The following THTPA variants were observed in gnomAD, a reference collection of about 807,000 sequenced individuals.
THTPA encodes the protein thiamine-triphosphatase.
In THTPA, 16 loss-of-function variants were observed where a neutral mutation model predicts 16.5. The observed-to-expected ratio is 0.97, with a 90% CI of 0.66 to 1.47. THTPA has a LOEUF of 1.47. Ranked by LOEUF, THTPA falls within the 40% of genes most tolerant of loss-of-function variation. The pLI is 0.00. For missense variants in THTPA, 281 were observed against 280.9 expected, an observed-to-expected ratio of 1.00 and a Z score of 0.00; for synonymous variants, 110 against 115.5, an observed-to-expected ratio of 0.95 and a Z score of 0.30.
At chr14:23,554,538 G>C (rs867010605), upstream of THTPA, among the ~76,000 whole-genome samples, 1 of 148,488 alleles carries the variant, frequency 6.7e-6, no homozygotes, top group Admixed American at 6.8e-5. Context: ...TACCACACCC[G>C]GCTAATTAAA....
chr14:23,526,357 C>T, the THTPA span: 3 of 1,536,358 alleles, frequency 2.0e-6, no homozygotes, highest in Non-Finnish European at 1.7e-6. Flanking sequence ...ACTCCTTACA[C>T]ACAGTGCACT....
chr14:23,539,125 C>G, the THTPA span, among the ~76,000 whole-genome samples: 1 of 152,104 alleles, frequency 6.6e-6, no homozygotes, highest in Non-Finnish European at 1.5e-5. Flanking sequence ...ATCCTCCTCC[C>G]CTAATGCACT....
the THTPA span, chr14:23,528,627 A>G: frequency 1.0e-6 from 1 of 985,176 alleles, no homozygotes; most frequent in Non-Finnish European, 1.2e-6. Context: ...AAGGGGCCCT[A>G]CCTGTCTGCT....
rs149243548 is a variant in THTPA, at chr14:23,557,213, C to G, written c.456C>G (p.Gly152=). ...LRVDLDTADF[G]YAVGEVEALV... ...TGGACTTGGATACAGCCGACTTTGG[C>G]TACGCTGTGGGTGAGGTAGAGGCCC... Residue 152 remains glycine (G), a synonymous_variant, in exon 1 of 2, where the codon GGC becomes GGG. Coordinates refer to ENST00000288014, the MANE Select transcript of THTPA (RefSeq NM_024328.6). 7.4e-6 allele frequency: 12 copies of G among 1,613,720 alleles called. No individual in the cohort carries two copies. The African/African-American group carries it at 1.5e-4, about 20-fold the overall frequency.
the THTPA span, chr14:23,527,797 C>T: frequency 2.0e-6 from 3 of 1,535,186 alleles, no homozygotes. Context: ...GTATGGACAG[C>T]AGTATACCTG....
the THTPA span, chr14:23,524,402 C>G: frequency 6.5e-7 from 1 of 1,536,260 alleles, no homozygotes. The surrounding 1 kb of genome is among the most constrained non-coding windows in gnomAD (Gnocchi z 5.6). Context: ...CCCTCCTCCC[C>G]CTGCTTCACT....
In THTPA at chr14:23,557,239, T is replaced by C. The variant is rs767091933; in HGVS notation, c.482T>C (p.Leu161Pro). 10 of 1,612,832 alleles carry C rather than the reference T, an allele frequency of 6.2e-6. No homozygotes were observed. The South Asian group carries it at 1.1e-4, about 18-fold the overall frequency. Residue 161 changes from leucine (L) to proline (P), a missense_variant, in exon 1 of 2, where the codon CTG becomes CCG. Physicochemically the swap from Leu to Pro is moderately conservative, Grantham distance 98 (BLOSUM62 -3). Transcript: ENST00000288014. ...FGYAVGEVEA[L>P]VHEEAEVPTA... ...TACGCTGTGGGTGAGGTAGAGGCCC[T>C]GGTGCATGAGGAGGCTGAAGTACCA...
At chr14:23,524,665 C>A in the THTPA span, 4 of 1,536,318 alleles carry the variant, frequency 2.6e-6, no homozygotes, top group Non-Finnish European at 3.5e-6. This position sits in a 1 kb window ranked among gnomAD's most constrained non-coding sequence, Gnocchi z 5.6. Flanking sequence ...GAGTAGCCTT[C>A]TCTTCAGGCT....
the THTPA span, chr14:23,529,984 C>T: frequency 2.0e-5 from 21 of 1,043,578 alleles, no homozygotes; most frequent in Non-Finnish European, 3.0e-5. Flanking sequence ...GCTCAGCCTC[C>T]CTTCCCCCTG....
chr14:23,522,909 C>T, the THTPA span: 12 of 1,462,882 alleles, frequency 8.2e-6, no homozygotes, highest in East Asian at 5.0e-5. Context: ...ACCGAAGTGG[C>T]GAGGCCGAGG....
chr14:23,527,110 C>A, the THTPA span: 1 of 1,309,352 alleles, frequency 7.6e-7, no homozygotes, highest in South Asian at 1.9e-5. Context: ...AACAAACCTC[C>A]CACCTAATTG....
chr14:23,534,630 G>A, the THTPA span: 62 of 1,536,180 alleles, frequency 4.0e-5, no homozygotes, highest in Middle Eastern at 1.7e-3. This position sits in a 1 kb window ranked among gnomAD's most constrained non-coding sequence, Gnocchi z 4.5. Context: ...AGACCGCCAC[G>A]TGGTTGCCCC....
At chr14:23,534,513 C>T in the THTPA span, 31 of 1,536,070 alleles carry the variant, frequency 2.0e-5, no homozygotes, top group East Asian at 7.3e-4. This position sits in a 1 kb window ranked among gnomAD's most constrained non-coding sequence, Gnocchi z 4.5. Context: ...GGCTACCTGA[C>T]AGGCCCTGAT....
chr14:23,527,462 C>T, the THTPA span: 3 of 1,132,094 alleles, frequency 2.6e-6, no homozygotes, highest in Non-Finnish European at 3.8e-6. Flanking sequence ...TCGGACCGTC[C>T]TCACCCAGCC....
chr14:23,544,098 A>C, the THTPA span: 1 of 151,606 alleles, frequency 6.6e-6, no homozygotes, highest in Non-Finnish European at 1.5e-5. Flanking sequence ...CTAAAAATAC[A>C]AAAAAAATGA....
chr14:23,538,267 T>A, the THTPA span, among the ~76,000 whole-genome samples: 4 of 152,120 alleles, frequency 2.6e-5, no homozygotes, highest in Non-Finnish European at 5.9e-5. Flanking sequence ...TCCTCCTCTT[T>A]AGGAAAGAAT....
chr14:23,558,054 A>C (rs1882697181), intron 1 of THTPA, among the ~76,000 whole-genome samples: 1 of 152,238 alleles, frequency 6.6e-6, no homozygotes, highest in African/African-American at 2.4e-5. Context: ...GTTCATCCAC[A>C]CTAGGAATTG....
chr14:23,553,872 C>T (rs138109932), upstream of THTPA, among the ~76,000 whole-genome samples: 2 of 151,828 alleles, frequency 1.3e-5, no homozygotes, highest in African/African-American at 2.4e-5. Context: ...CCAGCCTGGG[C>T]GACAAAGCGA....
At chr14:23,554,536 C>A (rs1412703141), upstream of THTPA, among the ~76,000 whole-genome samples, 1 of 149,868 alleles carries the variant, frequency 6.7e-6, no homozygotes, top group Non-Finnish European at 1.5e-5. Flanking sequence ...ACTACCACAC[C>A]CGGCTAATTA....
Sources: allele counts gnomAD v4.1 joint callset (sites outside exome capture counted in the v4.1 genomes callset), GRCh38; gene constraint gnomAD v4.1.1; non-coding constraint Gnocchi (gnomAD v3.1); transcripts MANE v1.5; gene names NCBI Gene and HGNC (gene_info 2026-07-23, HGNC 2026-07-21).